GRIP1: variants seen among roughly 807,000 people sequenced by gnomAD.
GRIP1 encodes the protein glutamate receptor-interacting protein 1.
Under a neutral mutation model 129.9 loss-of-function variants are expected in GRIP1, and 45 were observed. The ratio of observed to expected loss-of-function variants is 0.35; its 90% CI spans 0.27 to 0.44. GRIP1 has a LOEUF of 0.44. Ranked by LOEUF, GRIP1 falls within the 20% of genes least tolerant of loss-of-function variation. The probability of loss-of-function intolerance (pLI) is 1.00; values close to 1 mark genes in which losing one functional copy is unlikely to be tolerated. For missense variants in GRIP1, 1,196 were observed against 1,396.8 expected (o/e 0.86, Z 2.29); for synonymous variants, 530 against 520.8 (o/e 1.02, Z -0.24).
intron 15 of GRIP1, among the ~76,000 whole-genome samples, chr12:66,418,003 A>G (rs949043747): frequency 6.6e-6 from 1 of 152,162 alleles, no homozygotes; most frequent in Admixed American, 6.6e-5. Context: ...AAAAAGAACA[A>G]AACTGGAAGA....
At chr12:66,374,763 T>C (rs994207947) in intron 22 of GRIP1, among the ~76,000 whole-genome samples, 5 of 152,210 alleles carry the variant, frequency 3.3e-5, no homozygotes, top group African/African-American at 1.2e-4. Flanking sequence ...AGAAATAAGA[T>C]ACTATCACTA....
chr12:66,896,319 CT>C (rs1326751509), intron 1 of GRIP1, among the ~76,000 whole-genome samples: 2 of 151,880 alleles, frequency 1.3e-5, no homozygotes, highest in Admixed American at 1.3e-4. Flanking sequence ...CTAAAAATGC[CT>C]TGTGTGTGTG....
At chr12:66,600,057 A>AAAGG (rs2064212078) in intron 1 of GRIP1, among the ~76,000 whole-genome samples, 1 of 152,206 alleles carries the variant, frequency 6.6e-6, no homozygotes, top group African/African-American at 2.4e-5. Flanking sequence ...AAGCCTTTGA[A>AAAGG]AAGGAGCCTG....
intron 1 of GRIP1, among the ~76,000 whole-genome samples, chr12:66,687,934 G>A (rs1211109436): frequency 6.6e-6 from 1 of 152,186 alleles, no homozygotes; most frequent in East Asian, 1.9e-4. Flanking sequence ...TAGAACTGCT[G>A]CAAAGAAGAT....
At chr12:66,885,724 C>T (rs1356156685) in intron 1 of GRIP1, among the ~76,000 whole-genome samples, 1 of 152,110 alleles carries the variant, frequency 6.6e-6, no homozygotes, top group Non-Finnish European at 1.5e-5. Flanking sequence ...TCTAAAGCCT[C>T]AAGTCTGCAT....
chr12:66,743,227 T>C (rs1386093717), intron 1 of GRIP1, among the ~76,000 whole-genome samples: 1 of 152,118 alleles, frequency 6.6e-6, no homozygotes, highest in African/African-American at 2.4e-5. Flanking sequence ...GGGGAATGAT[T>C]ATAGCTGTAG....
At chr12:66,709,009 A>G (rs1466600584) in intron 1 of GRIP1, among the ~76,000 whole-genome samples, 1 of 151,866 alleles carries the variant, frequency 6.6e-6, no homozygotes, top group East Asian at 1.9e-4. Flanking sequence ...AGAGGAAATT[A>G]ATATAAAAGA....
chr12:66,382,582 C>T (rs1178659593), intron 19 of GRIP1, among the ~76,000 whole-genome samples: 2 of 151,970 alleles, frequency 1.3e-5, no homozygotes, highest in Non-Finnish European at 2.9e-5. Context: ...ACACAGATGC[C>T]CATTGTTACT....
chr12:66,584,947 G>A (rs2063558441), intron 2 of GRIP1, among the ~76,000 whole-genome samples: 1 of 151,996 alleles, frequency 6.6e-6, no homozygotes, highest in African/African-American at 2.4e-5. Context: ...AGCAGGGACT[G>A]TAGCACCCTC....
At chr12:66,623,277 G>C (rs1254561886) in intron 1 of GRIP1, among the ~76,000 whole-genome samples, 1 of 152,114 alleles carries the variant, frequency 6.6e-6, no homozygotes, top group Non-Finnish European at 1.5e-5. Context: ...TCAAAGTAGT[G>C]TCATAAGCAC....
intron 1 of GRIP1, among the ~76,000 whole-genome samples, chr12:66,896,126 G>A (rs540917426): frequency 1.3e-5 from 2 of 152,146 alleles, no homozygotes; most frequent in Non-Finnish European, 2.9e-5. Flanking sequence ...GCTAGAACTG[G>A]AGCAGGATGA....
intron 1 of GRIP1, among the ~76,000 whole-genome samples, chr12:66,814,427 C>T (rs1161096128): frequency 6.6e-6 from 1 of 151,804 alleles, no homozygotes; most frequent in Non-Finnish European, 1.5e-5. Context: ...TCTTATGAAA[C>T]CTTGTAATTA....
At chr12:66,476,457 T>C (rs2059615910) in intron 7 of GRIP1, among the ~76,000 whole-genome samples, 1 of 152,194 alleles carries the variant, frequency 6.6e-6, no homozygotes, top group South Asian at 2.1e-4. Context: ...GCTGGTACCA[T>C]TCCTTCTGAA....
chr12:66,579,944 A>G (rs560892255), intron 2 of GRIP1, among the ~76,000 whole-genome samples: 49 of 148,370 alleles, frequency 3.3e-4, no homozygotes, highest in African/African-American at 1.2e-3. Context: ...CAACTCCAAG[A>G]CACATAATTG....
In GRIP1 at chr12:66,496,374, G is replaced by A. The variant is rs964813594; in HGVS notation, c.724+19245C>T. On this transcript the variant is annotated intron_variant, in intron 7 of 24. Transcript: ENST00000359742. ...TTTCGATGAGCCAAGTTACCACAGC[G>A]GGGCACCTTTCAAAAGCTATATAAC... Among the ~76,000 whole-genome samples, 25 of 152,082 alleles carry A rather than the reference G, an allele frequency of 1.6e-4. No individual in the cohort carries two copies. In the East Asian group the frequency reaches 2.3e-3, roughly 14 times the overall value.
rs772335472 is a variant in GRIP1 at position 66,349,088 on chromosome 12, G to A, written c.3318C>T (p.Asn1106=). The stretch of plus-strand genomic sequence containing the variant: ...GGCTAGGCTGCTGGAAAAAAGCACT[G>A]TTCTGTTCACTCCAATCTCCTGGTA... ...QSLPGDWSEQ[N]SAFFQQPSHG... Residue 1106 remains asparagine, a synonymous_variant, in exon 25 of 25, where the codon AAC becomes AAT. Transcript: ENST00000359742. 1.2e-6 allele frequency: 2 copies of A among 1,614,128 alleles called. No homozygotes were observed. The highest frequency in any genetic ancestry group is 1.7e-6 in the Non-Finnish European group (2 of 1,179,972).
intron 1 of GRIP1, among the ~76,000 whole-genome samples, chr12:66,731,546 A>G (rs1565993046): frequency 6.6e-6 from 1 of 152,188 alleles, no homozygotes; most frequent in Non-Finnish European, 1.5e-5. Context: ...CATTGAAACT[A>G]TAAATAAACA....
At chr12:66,643,477 G>A (rs2032104588) in intron 1 of GRIP1, among the ~76,000 whole-genome samples, 1 of 152,166 alleles carries the variant, frequency 6.6e-6, no homozygotes, top group African/African-American at 2.4e-5. Flanking sequence ...ATAGCATAGT[G>A]GGGATAGTAC....
chr12:66,391,622 TG>T (rs754746558), intron 19 of GRIP1, among the ~76,000 whole-genome samples: 6 of 152,096 alleles, frequency 3.9e-5, no homozygotes, highest in Admixed American at 6.6e-5. Flanking sequence ...GAGGCCAAGA[TG>T]GGAGGATTGC....
Sources: allele counts gnomAD v4.1 joint callset (sites outside exome capture counted in the v4.1 genomes callset), GRCh38; gene constraint gnomAD v4.1.1; transcripts MANE v1.5; gene names NCBI Gene and HGNC (gene_info 2026-07-23, HGNC 2026-07-21).